Variants in DLGAP4 observed in about 807,000 individuals in gnomAD.
DLGAP4 encodes the protein DLG associated protein 4.
Under a neutral mutation model 86.9 loss-of-function variants are expected in DLGAP4, and 18 were observed. The ratio of observed to expected loss-of-function variants is 0.21; its 90% CI spans 0.14 to 0.31. The LOEUF is 0.31. DLGAP4 is among the 10% of genes least tolerant of loss of function. The pLI is 1.00. For synonymous variants in DLGAP4, 548 were observed against 574.3 expected (o/e 0.95, Z 0.65); for missense variants, 1,085 against 1,362.6 (o/e 0.80, Z 3.21).
intron 1 of DLGAP4, among the ~76,000 whole-genome samples, chr20:36,324,390 G>A (rs1424780145): frequency 1.3e-5 from 2 of 152,140 alleles, no homozygotes; most frequent in African/African-American, 4.8e-5. Flanking sequence ...TTGCACCACT[G>A]TACTCCAGCC....
rs371696530 is a variant in DLGAP4, at chr20:36,352,562, C to T, written c.-303-14483C>T. Among the ~76,000 whole-genome samples the T allele has an allele frequency of 1.1e-4, 16 of 151,970 alleles. No homozygotes were observed. The East Asian group carries it at 1.9e-3, about 18-fold the overall frequency. Reference sequence around the variant, plus strand: ...GGCGAGAGAGAGGAGTCCAGGAAGACGGGAAAGTTTTTGTCCCGAGAAAAA... The same window carrying T: ...GGCGAGAGAGAGGAGTCCAGGAAGATGGGAAAGTTTTTGTCCCGAGAAAAA... On this transcript the variant is annotated intron_variant, in intron 1 of 12. Coordinates refer to ENST00000339266, the MANE Select transcript of DLGAP4 (RefSeq NM_001365621.2).
chr20:36,329,055 T>G (rs1600402364), intron 1 of DLGAP4, among the ~76,000 whole-genome samples: 1 of 152,188 alleles, frequency 6.6e-6, no homozygotes, highest in East Asian at 1.9e-4. Context: ...ATTACAGGTG[T>G]GAGCCATCGC....
intron 8 of DLGAP4, chr20:36,497,816 C>T (rs1005829198): frequency 5.4e-6 from 1 of 183,680 alleles, no homozygotes; most frequent in African/African-American, 2.4e-5. Context: ...TGTCAATAAT[C>T]TGTCTTGTTT....
chr20:36,309,037 T>C (rs1468826305), intron 1 of DLGAP4, among the ~76,000 whole-genome samples: 1 of 148,024 alleles, frequency 6.8e-6, no homozygotes, highest in Non-Finnish European at 1.5e-5. Flanking sequence ...CTGGCGGGCC[T>C]TCAGTTCCTG....
chr20:36,494,866 C>A (rs550070282), intron 7 of DLGAP4, among the ~76,000 whole-genome samples: 1 of 151,914 alleles, frequency 6.6e-6, no homozygotes, highest in East Asian at 1.9e-4. Flanking sequence ...ATAATCCCAG[C>A]ATTTTGGGAG....
At chr20:36,513,525 G>A (rs966101047) in intron 10 of DLGAP4, among the ~76,000 whole-genome samples, 15 of 144,894 alleles carry the variant, frequency 1.0e-4, no homozygotes, top group African/African-American at 1.5e-4. Flanking sequence ...TCCGCAATCC[G>A]GCCTGGGCGA....
intron 12 of DLGAP4, 37 bp from the exon 13 acceptor site, chr20:36,526,776 A>C (rs770325047): frequency 6.5e-7 from 1 of 1,527,982 alleles, no homozygotes; most frequent in Non-Finnish European, 8.8e-7. Flanking sequence ...TGGCACCTTT[A>C]TTTTATTTTT....
chr20:36,411,670 C>G (rs1256944681), intron 2 of DLGAP4, among the ~76,000 whole-genome samples: 1 of 152,148 alleles, frequency 6.6e-6, no homozygotes, highest in Non-Finnish European at 1.5e-5. Flanking sequence ...GGCTGATGGC[C>G]TACAGTTTAA....
intron 1 of DLGAP4, among the ~76,000 whole-genome samples, chr20:36,342,702 C>G (rs371502024): frequency 6.6e-6 from 1 of 152,194 alleles, no homozygotes; most frequent in South Asian, 2.1e-4. Flanking sequence ...GCTCCTCTGC[C>G]GCATAGTCCT....
chr20:36,519,401 TTA>T (rs2037233299), intron 10 of DLGAP4, among the ~76,000 whole-genome samples: 1 of 152,158 alleles, frequency 6.6e-6, no homozygotes, highest in South Asian at 2.1e-4. Context: ...GAAGTATATT[TTA>T]TATGAGGTTT....
At chr20:36,486,250 A>G (rs113776552) in intron 7 of DLGAP4, among the ~76,000 whole-genome samples, 7 of 152,218 alleles carry the variant, frequency 4.6e-5, no homozygotes, top group South Asian at 2.1e-4. Flanking sequence ...CAGGTTCCCT[A>G]TCTGGTAGAG....
At chr20:36,359,575 C>G (rs782217689) in intron 1 of DLGAP4, among the ~76,000 whole-genome samples, 1 of 152,172 alleles carries the variant, frequency 6.6e-6, no homozygotes, top group South Asian at 2.1e-4. Context: ...GCTGTGTAGC[C>G]TGAGGCAAAG....
chr20:36,521,007 A>G (rs573607883), intron 10 of DLGAP4, among the ~76,000 whole-genome samples: 51 of 152,150 alleles, frequency 3.4e-4, no homozygotes, highest in Admixed American at 3.3e-4. Context: ...TAATTTTAGT[A>G]TTTTTAGTAG....
intron 7 of DLGAP4, among the ~76,000 whole-genome samples, chr20:36,488,095 G>T (rs2035496117): frequency 6.6e-6 from 1 of 151,856 alleles, no homozygotes; most frequent in Non-Finnish European, 1.5e-5. Flanking sequence ...AGCTACTCAG[G>T]AGGCTGAGGC....
intron 7 of DLGAP4, chr20:36,465,372 A>C (rs2034303227): frequency 6.6e-6 from 1 of 152,298 alleles, no homozygotes; most frequent in Admixed American, 6.5e-5. Context: ...TCACAGGTGA[A>C]TGAAAAATAG....
intron 7 of DLGAP4, among the ~76,000 whole-genome samples, chr20:36,460,716 C>T (rs528362641): frequency 1.1e-4 from 17 of 152,294 alleles, no homozygotes; most frequent in Admixed American, 5.9e-4. Flanking sequence ...GGGGTAGAAG[C>T]CAGGAACTGG....
intron 7 of DLGAP4, among the ~76,000 whole-genome samples, chr20:36,474,152 GA>G (rs1224780722): frequency 6.6e-6 from 1 of 152,268 alleles, no homozygotes; most frequent in Non-Finnish European, 1.5e-5. Flanking sequence ...CATCCAGGGG[GA>G]AAGAGAAGAC....
intron 2 of DLGAP4, among the ~76,000 whole-genome samples, chr20:36,394,913 T>C (rs576959897): frequency 6.6e-6 from 1 of 152,258 alleles, no homozygotes; most frequent in South Asian, 2.1e-4. Context: ...TCCACCCAGA[T>C]TGTGCAACCT....
intron 2 of DLGAP4, among the ~76,000 whole-genome samples, chr20:36,376,732 T>G (rs2031169357): frequency 6.6e-6 from 1 of 152,130 alleles, no homozygotes; most frequent in African/African-American, 2.4e-5. Context: ...CGCAGGGACC[T>G]CGTCAGCTTC....
Sources: gnomAD v4.1 joint callset for allele counts (sites outside exome capture counted in the v4.1 genomes callset) on GRCh38, gnomAD v4.1.1 for gene constraint, MANE v1.5 for transcripts, NCBI Gene and HGNC (gene_info 2026-07-23, HGNC 2026-07-21) for gene names.